Variants in LPXN observed in about 807,000 individuals in gnomAD.
LPXN encodes leupaxin.
A neutral mutation model predicts 45.6 loss-of-function variants in LPXN; 28 were observed. The observed-to-expected ratio is 0.61, with a 90% CI of 0.45 to 0.84. The LOEUF (loss-of-function observed/expected upper bound fraction) is 0.84, where lower values mean the gene tolerates loss of function less well. Among genes scored for constraint, LPXN ranks in the 40% least tolerant of loss-of-function variants. The pLI is 0.00. For missense variants in LPXN, 459 were observed against 475.0 expected (o/e 0.97, Z 0.31); for synonymous variants, 166 against 169.9 (o/e 0.98, Z 0.18).
Position 58,527,422 on chromosome 11 carries a change from AG to A in LPXN, c.*31del. ...CTCCTCTCTTGGTTTAAATTTTATA[AG>A]GAATCTGAAGAGGCTATGGATCAGT... is the stretch of plus-strand genomic sequence containing the variant. On this transcript the variant is annotated 3_prime_UTR_variant, in exon 9 of 9. Coordinates refer to ENST00000395074, the MANE Select transcript of LPXN (RefSeq NM_004811.3). 1 of 1,604,602 alleles carries A rather than the reference AG, an allele frequency of 6.2e-7. No homozygotes were observed. Among genetic ancestry groups the A allele is most frequent in the Non-Finnish European group, 8.5e-7 (1 of 1,172,586 alleles).
At chr11:58,546,325 C>A (rs949222031) in intron 7 of LPXN, among the ~76,000 whole-genome samples, 2 of 152,074 alleles carry the variant, frequency 1.3e-5, no homozygotes, top group African/African-American at 2.4e-5. Flanking sequence ...GTCTAAAGAA[C>A]CATTAGAAAG....
chr11:58,554,781 C>A (rs1854152568), intron 4 of LPXN, 60 bp downstream of exon 4: 2 of 1,292,072 alleles, frequency 1.5e-6, no homozygotes, highest in Non-Finnish European at 2.2e-6. Flanking sequence ...ACCCCATGGG[C>A]CCTGTTTATC....
intron 7 of LPXN, among the ~76,000 whole-genome samples, chr11:58,544,331 T>G (rs1853818391): frequency 6.6e-6 from 1 of 152,194 alleles, no homozygotes; most frequent in South Asian, 2.1e-4. Flanking sequence ...CCACCCTGAG[T>G]TTTTGATTCA....
At chr11:58,578,280 G>A, upstream of LPXN, 2 of 455,486 alleles carry the variant, frequency 4.4e-6, no homozygotes, top group Non-Finnish European at 7.9e-6. Context: ...GTAAACTCTA[G>A]ACTGCGGAAA....
chr11:58,564,263 G>T, intron 2 of LPXN, 62 bp from the exon 3 acceptor site: 1 of 1,040,826 alleles, frequency 9.6e-7, no homozygotes, highest in Non-Finnish European at 1.5e-6. Flanking sequence ...GAATGTTGAG[G>T]CTTAATGATA....
rs528279976 is a variant in LPXN at position 58,528,979 on chromosome 11, A to G, written c.743-788T>C. On this transcript the variant is annotated intron_variant, in intron 7 of 8. Coordinates refer to ENST00000395074, the MANE Select transcript of LPXN (RefSeq NM_004811.3). ...TCAATCAAATGGATGTTATCTATCT[A>G]TACAATGTTATCTCATGGTAGTTTT... 2.0e-5 allele frequency among the ~76,000 whole-genome samples: 3 copies of G among 152,284 alleles called. No individual in the cohort carries two copies. The East Asian group carries it at 5.8e-4, about 29-fold the overall frequency.
chr11:58,552,290 C>T (rs986124819), intron 4 of LPXN, among the ~76,000 whole-genome samples: 2 of 151,112 alleles, frequency 1.3e-5, no homozygotes, highest in South Asian at 4.2e-4. Flanking sequence ...TATTATAAAC[C>T]ATTCAAAGAA....
chr11:58,571,962 T>C (rs1352864370), intron 1 of LPXN, among the ~76,000 whole-genome samples: 1 of 152,220 alleles, frequency 6.6e-6, no homozygotes, highest in Non-Finnish European at 1.5e-5. Flanking sequence ...CTGTCTTATA[T>C]ATATTCTCTG....
chr11:58,546,680 C>T (rs1565191652), intron 7 of LPXN, among the ~76,000 whole-genome samples: 1 of 152,146 alleles, frequency 6.6e-6, no homozygotes, highest in Non-Finnish European at 1.5e-5. Flanking sequence ...CTGTCTATAT[C>T]CATGGAGTTT....
Position 58,551,084 on chromosome 11 carries a change from T to C in LPXN, c.467A>G (p.Gln156Arg), listed in dbSNP as rs765194858. The C allele has an allele frequency of 1.3e-6, 2 of 1,579,256 alleles. No individual in the cohort carries two copies. The highest frequency in any genetic ancestry group is 3.7e-5 in the Admixed American group (2 of 53,796). The change falls in exon 5 of 9, where the codon CAG (glutamine) becomes CGG (arginine). Residue 156 changes from glutamine to arginine, a missense_variant. Physicochemically the swap from Gln to Arg is conservative, Grantham distance 43. Coordinates refer to ENST00000395074, the MANE Select transcript of LPXN (RefSeq NM_004811.3). ...TCTCACCTTCCCAGCAATCGGTTTC[T>C]GGCAGGATGCACAATGGCCCTTGGG... ...TVPKGHCASC[Q>R]KPIAGKVIHA...
intron 2 of LPXN, among the ~76,000 whole-genome samples, chr11:58,567,770 T>C (rs1444053916): frequency 1.3e-5 from 2 of 152,228 alleles, no homozygotes; most frequent in Non-Finnish European, 2.9e-5. Flanking sequence ...TTTCTGCACG[T>C]TGCATATTCA....
At chr11:58,554,555 T>C (rs1305287671) in intron 4 of LPXN, among the ~76,000 whole-genome samples, 1 of 152,212 alleles carries the variant, frequency 6.6e-6, no homozygotes, top group Non-Finnish European at 1.5e-5. Context: ...TTTTATTCTA[T>C]AAATGTTAAG....
chr11:58,577,945 G>C, upstream of LPXN: 2 of 1,518,882 alleles, frequency 1.3e-6, no homozygotes, highest in Non-Finnish European at 1.8e-6. Context: ...CTAGGGCTCC[G>C]AGGGCCCAAG....
chr11:58,576,939 C>A (rs892658391), upstream of LPXN, among the ~76,000 whole-genome samples: 7 of 152,138 alleles, frequency 4.6e-5, no homozygotes, highest in African/African-American at 1.7e-4. Context: ...ATCACGCCAC[C>A]AGGTTAGCTT....
At chr11:58,557,970 T>C (rs1854258522) in intron 3 of LPXN, among the ~76,000 whole-genome samples, 1 of 151,972 alleles carries the variant, frequency 6.6e-6, no homozygotes, top group African/African-American at 2.4e-5. Flanking sequence ...ATTAATAAGA[T>C]GATGTTAACA....
intron 7 of LPXN, among the ~76,000 whole-genome samples, chr11:58,541,193 T>C (rs961057766): frequency 1.3e-5 from 2 of 151,992 alleles, no homozygotes; most frequent in African/African-American, 4.8e-5. Context: ...ACAAATGGGA[T>C]CTAATTAAAC....
At chr11:58,538,070 AT>A (rs1348779890) in intron 7 of LPXN, among the ~76,000 whole-genome samples, 2 of 151,586 alleles carry the variant, frequency 1.3e-5, no homozygotes, top group East Asian at 1.9e-4. Context: ...ATGATTTCCA[AT>A]TTCATCCATG....
At position 58,550,449 on chromosome 11, in the gene LPXN, A is replaced by G. The variant is rs1315103998; in HGVS notation, c.487-303T>C. ...AAACAACATATAGCACATTGATGAC[A>G]GAGAAGTTGTAACTGTAGCCTTAGT... is the stretch of plus-strand genomic sequence containing the variant. On this transcript the variant is annotated intron_variant, in intron 5 of 8. Coordinates refer to ENST00000395074, the MANE Select transcript of LPXN (RefSeq NM_004811.3). Among the ~76,000 whole-genome samples, 3 of 152,366 alleles carry G rather than the reference A, an allele frequency of 2.0e-5. No individual in the cohort carries two copies. In the East Asian group the frequency reaches 5.8e-4, roughly 29 times the overall value.
chr11:58,527,991 G>A lies in LPXN; in HGVS notation c.891+52C>T, dbSNP rs376548198. On this transcript the variant is annotated intron_variant, in intron 8 of 8. Transcript: ENST00000395074. ...ACTAACTGCAGCTCTTCCTCTCAGA[G>A]AGGAGAACCCTTGACTTTCCCTAAG... 3.0e-3 allele frequency: 4,724 copies of A among 1,579,266 alleles called. 10 individuals carry two copies. Among genetic ancestry groups the A allele is most frequent in the Non-Finnish European group, 3.6e-3 (4,145 of 1,158,916 alleles).
Sources: gnomAD v4.1 joint callset for allele counts (sites outside exome capture counted in the v4.1 genomes callset) on GRCh38, gnomAD v4.1.1 for gene constraint, MANE v1.5 for transcripts, NCBI Gene and HGNC (gene_info 2026-07-23, HGNC 2026-07-21) for gene names.